CCDC170: variants seen among roughly 807,000 people sequenced by gnomAD.
The protein encoded by CCDC170 is coiled-coil domain containing 170.
Under a neutral mutation model 72.6 loss-of-function variants are expected in CCDC170, and 69 were observed. The observed-to-expected ratio is 0.95, with a 90% CI of 0.78 to 1.16. CCDC170 has a LOEUF of 1.16. CCDC170 is among the 50% of genes most tolerant of loss of function. CCDC170 has a pLI of 0.00. For synonymous variants in CCDC170, 300 were observed against 303.9 expected, an observed-to-expected ratio of 0.99 and a Z score of 0.13; for missense variants, 852 against 832.5, an observed-to-expected ratio of 1.02 and a Z score of -0.29.
intron 1 of CCDC170, among the ~76,000 whole-genome samples, chr6:151,534,960 C>G (rs1782553226): frequency 6.6e-6 from 1 of 152,144 alleles, no homozygotes; most frequent in Non-Finnish European, 1.5e-5. Flanking sequence ...CTGTGTCTTT[C>G]ACAAAGACCA....
At chr6:151,575,285 A>T (rs1406159828) in intron 6 of CCDC170, among the ~76,000 whole-genome samples, 7 of 151,910 alleles carry the variant, frequency 4.6e-5, no homozygotes, top group Admixed American at 4.6e-4. Context: ...ACTCAGAAGA[A>T]TCACTAACTC....
chr6:151,616,125 C>T (rs1173041001), intron 10 of CCDC170, among the ~76,000 whole-genome samples: 3 of 152,166 alleles, frequency 2.0e-5, no homozygotes, highest in Admixed American at 6.5e-5. Flanking sequence ...GTTAGGTGAT[C>T]GCCTCTGAAG....
intron 10 of CCDC170, among the ~76,000 whole-genome samples, chr6:151,617,624 C>T (rs1055433118): frequency 6.6e-6 from 1 of 151,830 alleles, no homozygotes; most frequent in African/African-American, 2.4e-5. Flanking sequence ...ATGGTTAATC[C>T]CAACCTGGAG....
chr6:151,516,867 T>C (rs1429043123), intron 1 of CCDC170, among the ~76,000 whole-genome samples: 2 of 152,182 alleles, frequency 1.3e-5, no homozygotes, highest in African/African-American at 4.8e-5. Context: ...GCTGGTGCCA[T>C]ATTGTCTTTT....
intron 1 of CCDC170, among the ~76,000 whole-genome samples, chr6:151,533,930 G>C (rs1782533401): frequency 6.6e-6 from 1 of 152,162 alleles, no homozygotes; most frequent in South Asian, 2.1e-4. Context: ...GGGTGATTTA[G>C]ATTCAGCACC....
chr6:151,617,939 T>C lies in CCDC170; in HGVS notation c.1948-8T>C, dbSNP rs200365811. The C allele has an allele frequency of 2.5e-4, 400 of 1,610,764 alleles. No individual in the cohort carries two copies. The highest frequency in any genetic ancestry group is 3.2e-4 in the Non-Finnish European group (380 of 1,177,594). The stretch of plus-strand genomic sequence containing the variant: ...TCCCAGTTAATGAGTTTCTGTTTGA[T>C]ATTGCAGCTGGCAGACTTCAGGGAG... On this transcript the variant is annotated splice_polypyrimidine_tract_variant and splice_region_variant and intron_variant, in intron 10 of 10. Transcript: ENST00000239374.
At chr6:151,553,031 C>T (rs1359001502) in intron 5 of CCDC170, among the ~76,000 whole-genome samples, 1 of 152,068 alleles carries the variant, frequency 6.6e-6, no homozygotes, top group Non-Finnish European at 1.5e-5. Context: ...AAGTGATCCA[C>T]CCACATCGGC....
intron 1 of CCDC170, among the ~76,000 whole-genome samples, chr6:151,520,130 A>G (rs1264291396): frequency 2.0e-5 from 3 of 152,202 alleles, no homozygotes; most frequent in Non-Finnish European, 4.4e-5. Context: ...ACTTAATTCT[A>G]CAAATAAGTA....
At chr6:151,583,728 G>A (rs757770756) in intron 6 of CCDC170, among the ~76,000 whole-genome samples, 7 of 152,234 alleles carry the variant, frequency 4.6e-5, no homozygotes, top group Non-Finnish European at 8.8e-5. Flanking sequence ...AAAGTGCTGG[G>A]ATTACAGGCG....
intron 3 of CCDC170, among the ~76,000 whole-genome samples, chr6:151,539,960 A>G (rs1421936320): frequency 6.6e-6 from 1 of 152,138 alleles, no homozygotes; most frequent in Admixed American, 6.5e-5. Context: ...ATCTATCTTC[A>G]AAACAAATCT....
chr6:151,560,662 T>C (rs1213720470), intron 5 of CCDC170, among the ~76,000 whole-genome samples: 1 of 152,166 alleles, frequency 6.6e-6, no homozygotes, highest in African/African-American at 2.4e-5. Flanking sequence ...TGCATATATA[T>C]TTAGGAGGAT....
chr6:151,560,670 G>T (rs6904133), intron 5 of CCDC170, among the ~76,000 whole-genome samples: 23,500 of 152,016 alleles, frequency 0.15, 2,234 homozygotes, highest in East Asian at 0.46. Flanking sequence ...TATTTAGGAG[G>T]ATAGCTAAAT....
intron 1 of CCDC170, among the ~76,000 whole-genome samples, chr6:151,505,046 A>C (rs549536879): frequency 6.6e-6 from 1 of 152,220 alleles, no homozygotes; most frequent in South Asian, 2.1e-4. Flanking sequence ...CCCAAAAAGG[A>C]GGTCAAGTCA....
At chr6:151,577,439 G>C (rs540708290) in intron 6 of CCDC170, among the ~76,000 whole-genome samples, 28 of 152,304 alleles carry the variant, frequency 1.8e-4, no homozygotes, top group Admixed American at 1.5e-3. Context: ...AGTTGTTTAT[G>C]AAATAATGAC....
chr6:151,568,105 GAAAAAAAA>G (rs771627857), intron 5 of CCDC170, among the ~76,000 whole-genome samples: 1 of 38,266 alleles, frequency 2.6e-5, no homozygotes, highest in Non-Finnish European at 4.8e-5. Context: ...GTGAGACTCT[GAAAAAAAA>G]AAAAAAAAAA....
intron 7 of CCDC170, among the ~76,000 whole-genome samples, chr6:151,591,093 T>C (rs894809333): frequency 5.3e-5 from 8 of 152,192 alleles, no homozygotes; most frequent in African/African-American, 1.7e-4. Flanking sequence ...TTTGCCAAAA[T>C]TGGAAAATAT....
intron 8 of CCDC170, among the ~76,000 whole-genome samples, chr6:151,594,207 A>G (rs1379620427): frequency 6.6e-6 from 1 of 152,234 alleles, no homozygotes; most frequent in Non-Finnish European, 1.5e-5. Flanking sequence ...ATGCTATGAT[A>G]CAATTCCAGT....
At chr6:151,570,529 C>A (rs1776202541) in intron 5 of CCDC170, among the ~76,000 whole-genome samples, 1 of 152,082 alleles carries the variant, frequency 6.6e-6, no homozygotes, top group African/African-American at 2.4e-5. Flanking sequence ...TATAAGTAAT[C>A]TAGAGATGAT....
At chr6:151,499,848 C>T (rs1781968698) in intron 1 of CCDC170, among the ~76,000 whole-genome samples, 1 of 152,178 alleles carries the variant, frequency 6.6e-6, no homozygotes, top group Non-Finnish European at 1.5e-5. Flanking sequence ...ATTCATCTGT[C>T]TCTGCACACT....
Sources: gnomAD v4.1 joint callset for allele counts (sites outside exome capture counted in the v4.1 genomes callset) on GRCh38, gnomAD v4.1.1 for gene constraint, MANE v1.5 for transcripts, NCBI Gene and HGNC (gene_info 2026-07-23, HGNC 2026-07-21) for gene names.